Variants in ADGRG6 observed in about 807,000 individuals in gnomAD.
ADGRG6 encodes the protein adhesion G protein-coupled receptor G6, also known as G-protein coupled receptor 126.
A neutral mutation model predicts 142.4 loss-of-function variants in ADGRG6; 84 were observed. The observed-to-expected ratio is 0.59, with a 90% confidence interval of 0.49 to 0.71. The LOEUF (loss-of-function observed/expected upper bound fraction) is 0.71, where lower values mean the gene tolerates loss of function less well. ADGRG6 is among the 30% of genes least tolerant of loss of function. The probability of loss-of-function intolerance (pLI) is 0.00; values close to 1 mark genes in which losing one functional copy is unlikely to be tolerated. For missense variants in ADGRG6, 1,367 were observed against 1,466.6 expected, an observed-to-expected ratio of 0.93 and a Z score of 1.11; for synonymous variants, 521 against 520.5, an observed-to-expected ratio of 1.00 and a Z score of -0.01.
intron 22 of ADGRG6, among the ~76,000 whole-genome samples, chr6:142,434,629 C>G (rs578136208): frequency 1.1e-4 from 16 of 152,228 alleles, no homozygotes; most frequent in Admixed American, 1.0e-3. Flanking sequence ...CCCTGAAGAA[C>G]TTTTTATGGG....
intron 2 of ADGRG6, among the ~76,000 whole-genome samples, chr6:142,364,552 G>T (rs1459051934): frequency 6.6e-6 from 1 of 152,118 alleles, no homozygotes; most frequent in East Asian, 1.9e-4. Flanking sequence ...CTATGTCCCA[G>T]GTACAACTTC....
At chr6:142,352,785 T>G (rs535946267) in intron 2 of ADGRG6, among the ~76,000 whole-genome samples, 7 of 152,296 alleles carry the variant, frequency 4.6e-5, no homozygotes, top group Admixed American at 1.3e-4. Context: ...TATATGCATG[T>G]AATAGTTCTC....
chr6:142,377,272 A>G (rs1332677494), intron 4 of ADGRG6, among the ~76,000 whole-genome samples: 1 of 152,262 alleles, frequency 6.6e-6, no homozygotes, highest in Non-Finnish European at 1.5e-5. Flanking sequence ...CAAAAAGCTC[A>G]GCAAAGTGAG....
At chr6:142,421,833 T>G (rs1398538523) in intron 22 of ADGRG6, among the ~76,000 whole-genome samples, 1 of 152,176 alleles carries the variant, frequency 6.6e-6, no homozygotes, top group East Asian at 1.9e-4. Context: ...TCATATAAAT[T>G]CAGAACAGAT....
chr6:142,381,933 CT>C lies in ADGRG6; in HGVS notation c.1070-13del. ...AAATCATAAATCAAACTTACATATT[CT>C]TTTTGTGTTGATCAAGGTTCCTACC... is the stretch of plus-strand genomic sequence containing the variant. On this transcript the variant is annotated splice_polypyrimidine_tract_variant and intron_variant, in intron 4 of 24. Transcript: ENST00000367609. The C allele has an allele frequency of 6.6e-7, 1 of 1,518,920 alleles. No individual in the cohort carries two copies. Among genetic ancestry groups the C allele is most frequent in the Non-Finnish European group, 9.0e-7 (1 of 1,105,588 alleles). 94.1% of individuals were successfully genotyped at this position (1,518,920 alleles called of 1,614,324 possible).
intron 2 of ADGRG6, among the ~76,000 whole-genome samples, chr6:142,350,182 C>A (rs1344855266): frequency 6.6e-6 from 1 of 152,144 alleles, no homozygotes; most frequent in African/African-American, 2.4e-5. Flanking sequence ...ATGATAATAG[C>A]ACAAAGTTTG....
intron 9 of ADGRG6, among the ~76,000 whole-genome samples, chr6:142,396,626 A>G (rs117821406): frequency 4.6e-5 from 7 of 152,302 alleles, no homozygotes; most frequent in South Asian, 2.1e-4. Flanking sequence ...TTTAAAAACA[A>G]TACTACCACT....
At position 142,370,813 on chromosome 6, in the gene ADGRG6, CTT is replaced by C. The variant is rs71643377; in HGVS notation, c.1069+36_1069+37del. ...GCTGTGGTGAGTTTGTAGCGTATTCCTTTTTTTTTTTTTTTTTAGCATTATTC... is the reference window on the plus strand; with the variant it reads ...GCTGTGGTGAGTTTGTAGCGTATTCCTTTTTTTTTTTTTTTAGCATTATTC... On this transcript the variant is annotated intron_variant, in intron 4 of 24. Coordinates refer to ENST00000367609, the MANE Select transcript of ADGRG6 (RefSeq NM_198569.3). 32,340 of 1,396,044 alleles carry C rather than the reference CTT, an allele frequency of 0.023. 58 individuals are homozygous for C. Among genetic ancestry groups the C allele is most frequent in the African/African-American group, 0.059 (3,873 of 65,198 alleles). The allele number at this position is 1,396,044 out of a possible 1,614,324, so 86.5% of individuals were successfully genotyped here. A position where few individuals can be genotyped will look rare whatever the true frequency, so the allele number is the denominator to read the frequency against.
intron 7 of ADGRG6, among the ~76,000 whole-genome samples, chr6:142,390,864 C>T (rs564702436): frequency 4.6e-5 from 7 of 151,726 alleles, no homozygotes; most frequent in African/African-American, 1.7e-4. Context: ...ACTATAGATT[C>T]TTATTTTCCT....
At chr6:142,397,784 A>G in intron 10 of ADGRG6, 29 bp downstream of exon 10, 1 of 1,414,528 alleles carries the variant, frequency 7.1e-7, no homozygotes, top group Non-Finnish European at 9.5e-7. Flanking sequence ...TATAATATGC[A>G]TTTTATACAA....
chr6:142,338,027 T>TTTTTTTTTTTTTTTTTTTTTTTG (rs892007926), intron 2 of ADGRG6, among the ~76,000 whole-genome samples: 6 of 58,002 alleles, frequency 1.0e-4, no homozygotes, highest in East Asian at 6.0e-4. Flanking sequence ...GTTTTTTTTT[T>TTTTTTTTTTTTTTTTTTTTTTTG]TTTTTTTTTT....
intron 22 of ADGRG6, among the ~76,000 whole-genome samples, chr6:142,426,270 T>A (rs1776939402): frequency 6.6e-6 from 1 of 152,004 alleles, no homozygotes; most frequent in African/African-American, 2.4e-5. Flanking sequence ...CTAGATACAA[T>A]GGGGGTACAG....
At chr6:142,373,364 C>T (rs1781343064) in intron 4 of ADGRG6, among the ~76,000 whole-genome samples, 1 of 132,484 alleles carries the variant, frequency 7.5e-6, no homozygotes, top group Non-Finnish European at 1.6e-5. Context: ...ACTAGGTTTG[C>T]AGTGTGTTAA....
chr6:142,304,323 C>T (rs994305284), intron 1 of ADGRG6, among the ~76,000 whole-genome samples: 1 of 152,044 alleles, frequency 6.6e-6, no homozygotes, highest in African/African-American at 2.4e-5. Context: ...ATAGACTTTA[C>T]GAATATATTT....
chr6:142,325,967 C>A (rs1417123188), intron 2 of ADGRG6, among the ~76,000 whole-genome samples: 1 of 151,794 alleles, frequency 6.6e-6, no homozygotes, highest in African/African-American at 2.4e-5. Flanking sequence ...AAAAAAAACC[C>A]ACCTAAAATC....
intron 6 of ADGRG6, among the ~76,000 whole-genome samples, chr6:142,386,288 A>G (rs1031373307): frequency 6.6e-6 from 1 of 152,192 alleles, no homozygotes; most frequent in Non-Finnish European, 1.5e-5. Flanking sequence ...ATGTAATGAA[A>G]CCAATCTTAC....
Position 142,422,696 on chromosome 6 carries a change from G to A in ADGRG6, c.3319+2592G>A, listed in dbSNP as rs2115111401. On this transcript the variant is annotated intron_variant, in intron 22 of 24. Transcript: ENST00000367609. ...TATATACCCAGTAATGGGATGGCTG[G>A]GTCAAATGGTATTTCTAGTTCTAGA... is the stretch of plus-strand genomic sequence containing the variant. 2.0e-5 allele frequency among the ~76,000 whole-genome samples: 3 copies of A among 147,954 alleles called. No homozygotes were observed. The South Asian group carries it at 6.8e-4, about 33-fold the overall frequency.
chr6:142,429,185 T>A (rs1490475169), intron 22 of ADGRG6, among the ~76,000 whole-genome samples: 2 of 152,200 alleles, frequency 1.3e-5, no homozygotes, highest in Non-Finnish European at 2.9e-5. Context: ...TTTAGAGAAA[T>A]GCGTATTATT....
chr6:142,415,085 T>C lies in ADGRG6; in HGVS notation c.2658T>C (p.Tyr886=). 6.2e-7 allele frequency: 1 copy of C among 1,609,932 alleles called. No individual in the cohort carries two copies. The highest frequency in any genetic ancestry group is 8.5e-7 in the Non-Finnish European group (1 of 1,178,000). ...AIFSAATLLT[Y]VAFEKLRRDY... ...TTTCAGCAGCAACTCTCCTGACATA[T>C]GTTGCTTTTGAGTAAGTATATTTTT... is the stretch of plus-strand genomic sequence containing the variant. Residue 886 remains tyrosine, a synonymous_variant, in exon 19 of 25, where the codon TAT becomes TAC. Coordinates refer to ENST00000367609, the MANE Select transcript of ADGRG6 (RefSeq NM_198569.3).
Sources: allele counts gnomAD v4.1 joint callset (sites outside exome capture counted in the v4.1 genomes callset), GRCh38; gene constraint gnomAD v4.1.1; transcripts MANE v1.5; gene names NCBI Gene and HGNC (gene_info 2026-07-23, HGNC 2026-07-21).